FAM163A: variants seen among roughly 807,000 people sequenced by gnomAD.
FAM163A encodes protein FAM163A.
FAM163A carries 7 observed loss-of-function variants against 12.0 expected under a neutral mutation model. That is an observed-to-expected ratio of 0.58 (90% CI 0.33 to 1.10). The LOEUF is 1.10. Among genes scored for constraint, FAM163A ranks in the 50% least tolerant of loss-of-function variants. The pLI is 0.03. For synonymous variants in FAM163A, 101 were observed against 91.0 expected (o/e 1.11, Z -0.62); for missense variants, 202 against 218.6 (o/e 0.92, Z 0.48).
intron 1 of FAM163A, among the ~76,000 whole-genome samples, chr1:179,764,244 C>T (rs771594117): frequency 6.6e-6 from 1 of 152,154 alleles, no homozygotes; most frequent in Non-Finnish European, 1.5e-5. Context: ...TGTCTCAGGA[C>T]GTTGGTGGTG....
upstream of FAM163A, among the ~76,000 whole-genome samples, chr1:179,739,536 ATT>A (rs11352266): frequency 1.4e-3 from 207 of 151,386 alleles, no homozygotes; most frequent in South Asian, 1.9e-3. Context: ...TTGTTTTGTG[ATT>A]TTTTTTTTAG....
Position 179,768,700 on chromosome 1 carries a change from G to C in FAM163A, c.-136+25277G>C, listed in dbSNP as rs181281349. On this transcript the variant is annotated intron_variant, in intron 1 of 4. Coordinates refer to ENST00000341785, the MANE Select transcript of FAM163A (RefSeq NM_173509.3). ...GGCTCACTGCAACCTCAACCTCCTG[G>C]GTTCAAGTGATTCTCCTGCCTCAGC... Among the ~76,000 whole-genome samples, 1,227 of 152,180 alleles carry C rather than the reference G, an allele frequency of 8.1e-3. 21 individuals carry two copies. Among genetic ancestry groups the C allele is most frequent in the African/African-American group, 0.028 (1,178 of 41,522 alleles).
the FAM163A span, among the ~76,000 whole-genome samples, chr1:179,735,580 C>T: frequency 1.0e-4 from 15 of 143,762 alleles, no homozygotes; most frequent in South Asian, 1.6e-3. Context: ...CTCCACTCAC[C>T]GCAAGCTCTG....
intron 1 of FAM163A, among the ~76,000 whole-genome samples, chr1:179,756,678 G>A (rs577814133): frequency 1.3e-5 from 2 of 152,326 alleles, no homozygotes; most frequent in East Asian, 3.9e-4. Flanking sequence ...TCATCCATAA[G>A]CAGGTGAGTG....
In FAM163A at chr1:179,749,719, C is replaced by G. The variant is rs1463670502; in HGVS notation, c.-136+6296C>G. On this transcript the variant is annotated intron_variant, in intron 1 of 4. Coordinates refer to ENST00000341785, the MANE Select transcript of FAM163A (RefSeq NM_173509.3). ...CTAAATATACAAAAAATTAGCCAGG[C>G]ATGGTGGCATGTGCCTGTAATCCCA... Among the ~76,000 whole-genome samples, 14 of 152,070 alleles carry G rather than the reference C, an allele frequency of 9.2e-5. No homozygotes were observed. In the East Asian group the frequency reaches 2.1e-3, roughly 23 times the overall value.
At chr1:179,752,286 C>CA (rs1472705166) in intron 1 of FAM163A, among the ~76,000 whole-genome samples, 5 of 152,040 alleles carry the variant, frequency 3.3e-5, no homozygotes, top group Admixed American at 6.6e-5. Flanking sequence ...ACATCATACA[C>CA]AAAAAATCAA....
chr1:179,731,324 G>A, the FAM163A span, among the ~76,000 whole-genome samples: 1 of 152,340 alleles, frequency 6.6e-6, no homozygotes, highest in East Asian at 1.9e-4. Flanking sequence ...TGGATGTGGA[G>A]TAGCAGAGGA....
At chr1:179,755,040 G>A (rs1435507511) in intron 1 of FAM163A, among the ~76,000 whole-genome samples, 3 of 151,970 alleles carry the variant, frequency 2.0e-5, no homozygotes, top group African/African-American at 7.3e-5. Flanking sequence ...GGGAGGCTGA[G>A]GCACGAGAAT....
chr1:179,767,665 C>G (rs934025711), intron 1 of FAM163A, among the ~76,000 whole-genome samples: 2 of 152,154 alleles, frequency 1.3e-5, no homozygotes, highest in South Asian at 2.1e-4. Context: ...CCTGGCACCC[C>G]CTACCTGCAG....
chr1:179,738,185 T>C, the FAM163A span, among the ~76,000 whole-genome samples: 1 of 152,198 alleles, frequency 6.6e-6, no homozygotes, highest in African/African-American at 2.4e-5. Context: ...ATTCTAGTGC[T>C]CTGTAGCACT....
upstream of FAM163A, among the ~76,000 whole-genome samples, chr1:179,738,366 T>C (rs1259914650): frequency 1.3e-5 from 2 of 152,218 alleles, no homozygotes; most frequent in African/African-American, 4.8e-5. Flanking sequence ...TCCATGAATA[T>C]GTACAATTAT....
chr1:179,754,621 G>A (rs1213310292), intron 1 of FAM163A, among the ~76,000 whole-genome samples: 1 of 152,142 alleles, frequency 6.6e-6, no homozygotes, highest in Non-Finnish European at 1.5e-5. Flanking sequence ...ACCTTTCCAG[G>A]CAGAGGGAGG....
intron 1 of FAM163A, among the ~76,000 whole-genome samples, chr1:179,756,436 C>T (rs1251997054): frequency 1.3e-5 from 2 of 152,096 alleles, no homozygotes; most frequent in African/African-American, 2.4e-5. Flanking sequence ...ACTTGTAACT[C>T]ACAAGTTACG....
chr1:179,764,251 G>T (rs1258544325), intron 1 of FAM163A, among the ~76,000 whole-genome samples: 1 of 152,182 alleles, frequency 6.6e-6, no homozygotes, highest in Non-Finnish European at 1.5e-5. Context: ...GGACGTTGGT[G>T]GTGTTGCATC....
intron 1 of FAM163A, among the ~76,000 whole-genome samples, chr1:179,755,657 A>G (rs12408874): frequency 0.24 from 36,169 of 152,122 alleles, 4,950 homozygotes; most frequent in East Asian, 0.63. Context: ...GAATTGATTC[A>G]TGAAAGATTT....
At chr1:179,806,263 T>C (rs775803375) in intron 1 of FAM163A, among the ~76,000 whole-genome samples, 10 of 152,196 alleles carry the variant, frequency 6.6e-5, no homozygotes, top group Non-Finnish European at 1.5e-4. Flanking sequence ...TCCTTTGCCC[T>C]GTCAGAACTC....
intron 1 of FAM163A, among the ~76,000 whole-genome samples, chr1:179,791,988 C>T (rs369589025): frequency 2.0e-5 from 3 of 152,150 alleles, no homozygotes; most frequent in South Asian, 2.1e-4. Flanking sequence ...GTTGAAGGCT[C>T]ACTCTGCCAG....
upstream of FAM163A, among the ~76,000 whole-genome samples, chr1:179,741,110 C>CA (rs1357689597): frequency 2.0e-5 from 3 of 152,056 alleles, no homozygotes; most frequent in Non-Finnish European, 2.9e-5. Flanking sequence ...AAAGTCAGCT[C>CA]AAAAAAATGG....
intron 1 of FAM163A, among the ~76,000 whole-genome samples, chr1:179,792,436 C>T (rs1243670977): frequency 1.3e-5 from 2 of 152,076 alleles, no homozygotes; most frequent in African/African-American, 2.4e-5. Flanking sequence ...TGAACCACTG[C>T]TCCTGGACTT....
Sources: gnomAD v4.1 joint callset for allele counts (sites outside exome capture counted in the v4.1 genomes callset) on GRCh38, gnomAD v4.1.1 for gene constraint, MANE v1.5 for transcripts, NCBI Gene and HGNC (gene_info 2026-07-23, HGNC 2026-07-21) for gene names.